PTPRJ: variants seen among roughly 807,000 people sequenced by gnomAD.
PTPRJ encodes protein tyrosine phosphatase receptor type J.
Under a neutral mutation model 141.3 loss-of-function variants are expected in PTPRJ, and 129 were observed. That is an observed-to-expected ratio of 0.91 (90% CI 0.79 to 1.06). The LOEUF is 1.06. Among genes scored for constraint, PTPRJ ranks in the 50% least tolerant of loss-of-function variants. PTPRJ has a pLI of 0.00. For synonymous variants in PTPRJ, 610 were observed against 640.5 expected, an observed-to-expected ratio of 0.95 and a Z score of 0.72; for missense variants, 1,601 against 1,679.7, an observed-to-expected ratio of 0.95 and a Z score of 0.82.
In PTPRJ at chr11:48,125,184, C is replaced by A; in HGVS notation, c.1091C>A (p.Thr364Lys). 2 of 1,614,078 alleles carry A rather than the reference C, an allele frequency of 1.2e-6. No homozygotes were observed. The highest frequency in any genetic ancestry group is 1.7e-6 in the Non-Finnish European group (2 of 1,179,964). The change falls in exon 6 of 25, where the codon ACA becomes AAA. Residue 364 changes from threonine (T) to lysine (K), a missense_variant and splice_region_variant. Thr to Lys is a moderately conservative substitution (Grantham distance 78). Coordinates refer to ENST00000418331, the MANE Select transcript of PTPRJ (RefSeq NM_002843.4). ...CAGCCCCAGGCCATAGAGTTCAGGA[C>A]AAGTAGGTTGAACTTTGTAAAATGG... Reference protein sequence around the residue: ...EGQPQAIEFRTNAIQVFDVTA... With the variant: ...EGQPQAIEFRKNAIQVFDVTA...
intron 18 of PTPRJ, among the ~76,000 whole-genome samples, chr11:48,153,492 CAAAAAAAAAAA>C (rs59516853): frequency 4.4e-5 from 3 of 68,436 alleles, no homozygotes; most frequent in African/African-American, 1.3e-4. Flanking sequence ...GACTCTGTCT[CAAAAAAAAAAA>C]AAAAAAAAAA....
intron 6 of PTPRJ, among the ~76,000 whole-genome samples, chr11:48,127,080 C>T (rs938492592): frequency 1.2e-4 from 19 of 152,056 alleles, no homozygotes; most frequent in Non-Finnish European, 2.2e-4. Context: ...TGACTCCTTT[C>T]TCCTGTGGCC....
rs1857264223 is a variant in PTPRJ at position 48,142,773 on chromosome 11, T to C, written c.2444-146T>C. The C allele has an allele frequency of 4.0e-6, 4 of 998,194 alleles. No individual in the cohort carries two copies. The Admixed American group carries it at 9.0e-5, about 22-fold the overall frequency. The allele number at this position is 998,194 out of a possible 1,614,324, so 61.8% of individuals were successfully genotyped here. A position where few individuals can be genotyped will look rare whatever the true frequency, so the allele number is the denominator to read the frequency against. On this transcript the variant is annotated intron_variant, in intron 11 of 24. Transcript: ENST00000418331. ...CTCACCAGTTTCCTTCCCTGCCTTTTGCTTCTGGATTTGCTGTTTTGCACG... is the reference window on the plus strand; with the variant it reads ...CTCACCAGTTTCCTTCCCTGCCTTTCGCTTCTGGATTTGCTGTTTTGCACG...
At chr11:48,003,406 C>T (rs1306199988) in intron 1 of PTPRJ, among the ~76,000 whole-genome samples, 1 of 152,070 alleles carries the variant, frequency 6.6e-6, no homozygotes, top group African/African-American at 2.4e-5. Flanking sequence ...TCATTGTTTA[C>T]ATTGCTATTA....
chr11:48,120,744 C>T (rs1210659307), intron 3 of PTPRJ, among the ~76,000 whole-genome samples: 1 of 152,150 alleles, frequency 6.6e-6, no homozygotes, highest in Non-Finnish European at 1.5e-5. Context: ...GACTTAACCC[C>T]ATTTTTAAGT....
At chr11:48,114,413 G>A (rs1856512095) in intron 3 of PTPRJ, among the ~76,000 whole-genome samples, 1 of 106,640 alleles carries the variant, frequency 9.4e-6, no homozygotes, top group Non-Finnish European at 1.7e-5. Flanking sequence ...ACTCCCGACA[G>A]AGTGAGACTC....
At chr11:48,073,143 G>A (rs1411126844) in intron 1 of PTPRJ, among the ~76,000 whole-genome samples, 1 of 152,142 alleles carries the variant, frequency 6.6e-6, no homozygotes, top group Non-Finnish European at 1.5e-5. Context: ...GGTTCCTCTG[G>A]GCTCACACAC....
At chr11:47,996,965 T>C (rs549366267) in intron 1 of PTPRJ, among the ~76,000 whole-genome samples, 1 of 152,368 alleles carries the variant, frequency 6.6e-6, no homozygotes, top group East Asian at 1.9e-4. Flanking sequence ...GCACATGGAA[T>C]GCTTAGCCTT....
intron 1 of PTPRJ, among the ~76,000 whole-genome samples, chr11:47,991,525 G>A (rs1445803448): frequency 6.6e-6 from 1 of 152,094 alleles, no homozygotes; most frequent in African/African-American, 2.4e-5. Context: ...GCAGCAAGGT[G>A]ATTGTGCATT....
At chr11:48,117,399 G>C (rs1295999937) in intron 3 of PTPRJ, among the ~76,000 whole-genome samples, 1 of 151,328 alleles carries the variant, frequency 6.6e-6, no homozygotes, top group Non-Finnish European at 1.5e-5. Flanking sequence ...AAATTAGCTG[G>C]GTGTAGTGAC....
chr11:48,024,664 C>G lies in PTPRJ; in HGVS notation c.96+43656C>G, dbSNP rs1853757333. ...TGTACATCAGCCCTGTTTTGAAACT[C>G]TGTGCCTGCTGCCTCATTGACTAGC... is the stretch of plus-strand genomic sequence containing the variant. On this transcript the variant is annotated intron_variant, in intron 1 of 24. Coordinates refer to ENST00000418331, the MANE Select transcript of PTPRJ (RefSeq NM_002843.4). Among the ~76,000 whole-genome samples, 8 of 152,376 alleles carry G rather than the reference C, an allele frequency of 5.3e-5. No individual in the cohort carries two copies. In the South Asian group the frequency reaches 1.7e-3, roughly 32 times the overall value.
intron 1 of PTPRJ, among the ~76,000 whole-genome samples, chr11:48,003,591 G>T (rs1040267448): frequency 1.3e-5 from 2 of 152,172 alleles, no homozygotes; most frequent in Non-Finnish European, 2.9e-5. Flanking sequence ...CGCCTCCCAG[G>T]TTCAAGCGAT....
intron 12 of PTPRJ, among the ~76,000 whole-genome samples, chr11:48,143,733 G>A (rs922688465): frequency 6.6e-6 from 1 of 151,496 alleles, no homozygotes; most frequent in African/African-American, 2.4e-5. Flanking sequence ...CTTGCATAAG[G>A]CCTAGATTTA....
chr11:48,070,075 C>T (rs554413515), intron 1 of PTPRJ, among the ~76,000 whole-genome samples: 10 of 152,298 alleles, frequency 6.6e-5, no homozygotes, highest in African/African-American at 2.4e-4. Context: ...CTCTCCTCAG[C>T]CAGTTGGTCC....
intron 22 of PTPRJ, among the ~76,000 whole-genome samples, chr11:48,161,143 T>C (rs546057349): frequency 1.4e-4 from 17 of 121,712 alleles, no homozygotes; most frequent in Non-Finnish European, 2.0e-4. Flanking sequence ...GTGCCACTGC[T>C]GCACTCTAGC....
chr11:48,020,179 GGAGGTTT>G (rs1367602215), intron 1 of PTPRJ, among the ~76,000 whole-genome samples: 3 of 152,168 alleles, frequency 2.0e-5, no homozygotes, highest in Non-Finnish European at 4.4e-5. Context: ...TGAAACTTCA[GGAGGTTT>G]TAGCTAGTGG....
intron 1 of PTPRJ, among the ~76,000 whole-genome samples, chr11:47,982,316 G>T (rs1024953094): frequency 6.6e-6 from 1 of 152,190 alleles, no homozygotes. Context: ...TGCTCTTCAG[G>T]CTTCTCTACC....
At position 48,153,857 on chromosome 11, in the gene PTPRJ, G is replaced by A; in HGVS notation, c.3200G>A (p.Gly1067Glu). 6.2e-7 allele frequency: 1 copy of A among 1,613,430 alleles called. No individual in the cohort carries two copies. The highest frequency in any genetic ancestry group is 8.5e-7 in the Non-Finnish European group (1 of 1,179,416). Reference sequence around the variant, plus strand: ...GCAGCAGAACTGGCTGAGAATAGAGGAAAGAATCGCTATAATAATGTTCTG... The same window carrying A: ...GCAGCAGAACTGGCTGAGAATAGAGAAAAGAATCGCTATAATAATGTTCTG... ...KYAAELAENR[G>E]KNRYNNVLPY... Residue 1067 changes from glycine (G) to glutamate (E), a missense_variant, in exon 19 of 25, where the codon GGA becomes GAA. Coordinates refer to ENST00000418331, the MANE Select transcript of PTPRJ (RefSeq NM_002843.4).
Position 48,137,087 on chromosome 11 carries a change from C to G in PTPRJ, c.1958C>G (p.Pro653Arg). Residue 653 changes from proline to arginine, a missense_variant, in exon 10 of 25, where the codon CCC becomes CGC. Coordinates refer to ENST00000418331, the MANE Select transcript of PTPRJ (RefSeq NM_002843.4). Reference protein sequence around the residue: ...LSWQNFDDASPTYSYCLLIEK... With the variant: ...LSWQNFDDASRTYSYCLLIEK... ...TGGCAGAACTTTGATGACGCCTCTC[C>G]CACGTACTCCTACTGCCTTCTTATT... is the stretch of plus-strand genomic sequence containing the variant. The G allele has an allele frequency of 6.2e-7, 1 of 1,605,658 alleles. No individual in the cohort carries two copies. The highest frequency in any genetic ancestry group is 8.5e-7 in the Non-Finnish European group (1 of 1,172,352).
Sources: allele counts gnomAD v4.1 joint callset (sites outside exome capture counted in the v4.1 genomes callset), GRCh38; gene constraint gnomAD v4.1.1; transcripts MANE v1.5; gene names NCBI Gene and HGNC (gene_info 2026-07-23, HGNC 2026-07-21).